Variants in MON2 observed in about 807,000 individuals in gnomAD.
MON2 encodes protein MON2 homolog.
In MON2, 84 loss-of-function variants were observed where a neutral mutation model predicts 208.6. The observed-to-expected ratio is 0.40, with a 90% CI of 0.34 to 0.48. The LOEUF is 0.48. Ranked by LOEUF, MON2 falls within the 20% of genes least tolerant of loss-of-function variation. The probability of loss-of-function intolerance (pLI) is 0.59; values close to 1 mark genes in which losing one functional copy is unlikely to be tolerated. For synonymous variants in MON2, 660 were observed against 694.0 expected (o/e 0.95, Z 0.77); for missense variants, 1,611 against 2,015.4 (o/e 0.80, Z 3.84).
intron 32 of MON2, 49 bp from the exon 33 acceptor site, chr12:62,585,245 G>A (rs761863998): frequency 1.4e-6 from 2 of 1,412,156 alleles, no homozygotes; most frequent in East Asian, 2.3e-5. Flanking sequence ...TATCATTAAA[G>A]CTCATTGATT....
At position 62,556,301 on chromosome 12, in the gene MON2, G is replaced by A. The variant is rs1261671984; in HGVS notation, c.3409+109G>A. 7 of 1,039,558 alleles carry A rather than the reference G, an allele frequency of 6.7e-6. No homozygotes were observed. The Admixed American group carries it at 1.1e-4, about 17-fold the overall frequency. The allele number at this position is 1,039,558 out of a possible 1,614,324, so 64.4% of individuals were successfully genotyped here. Reference sequence around the variant, plus strand: ...TCTTAACTTAGTCTTTATGTGTGGTGTGTGTGTAAGCATCTGTGTTTTCAT... The same window carrying A: ...TCTTAACTTAGTCTTTATGTGTGGTATGTGTGTAAGCATCTGTGTTTTCAT... On this transcript the variant is annotated intron_variant, in intron 25 of 34. Transcript: ENST00000393630.
At chr12:62,590,060 T>C (rs1372119808) in intron 34 of MON2, among the ~76,000 whole-genome samples, 1 of 152,150 alleles carries the variant, frequency 6.6e-6, no homozygotes, top group African/African-American at 2.4e-5. Context: ...AAGATGCATT[T>C]GTTAGACTTA....
intron 7 of MON2, among the ~76,000 whole-genome samples, chr12:62,504,584 T>C (rs1165088811): frequency 1.3e-5 from 2 of 152,188 alleles, no homozygotes; most frequent in African/African-American, 4.8e-5. Flanking sequence ...AAATTTACTT[T>C]ATTCTTCCTG....
chr12:62,585,262 C>A, intron 32 of MON2, 32 bp from the exon 33 acceptor site: 1 of 1,513,104 alleles, frequency 6.6e-7, no homozygotes, highest in South Asian at 1.1e-5. Flanking sequence ...GATTTAACTT[C>A]TATTAACCAT....
intron 24 of MON2, among the ~76,000 whole-genome samples, chr12:62,555,518 G>A (rs1185170852): frequency 1.3e-5 from 2 of 152,048 alleles, no homozygotes; most frequent in Non-Finnish European, 2.9e-5. Flanking sequence ...ACTTAAGAAT[G>A]TATAATTATG....
chr12:62,503,293 T>A (rs532316179), intron 7 of MON2, among the ~76,000 whole-genome samples: 1 of 152,294 alleles, frequency 6.6e-6, no homozygotes, highest in Non-Finnish European at 1.5e-5. Flanking sequence ...TGATCCAAAT[T>A]AGTTTCTCTC....
chr12:62,476,544 C>T (rs2069095145), intron 1 of MON2, among the ~76,000 whole-genome samples: 1 of 151,936 alleles, frequency 6.6e-6, no homozygotes, highest in Non-Finnish European at 1.5e-5. Context: ...AAGCGATTCT[C>T]TTGCCTCAGC....
In MON2 at chr12:62,596,399, G is replaced by C. The variant is rs1286016350; in HGVS notation, c.*3650G>C. 6.6e-6 allele frequency: 1 copy of C among 152,234 alleles called. No individual in the cohort carries two copies. The highest frequency in any genetic ancestry group is 2.4e-5 in the African/African-American group (1 of 41,456). 9.4% of individuals were successfully genotyped at this position (152,234 alleles called of 1,614,324 possible). ...ACTGTGCCACCCTTGGAATGGGTTA[G>C]TGTACAGGCTCAGAATATTGTGGAT... On this transcript the variant is annotated 3_prime_UTR_variant, in exon 35 of 35. Transcript: ENST00000393630.
At chr12:62,506,214 T>G (rs1242130700) in intron 7 of MON2, among the ~76,000 whole-genome samples, 1 of 152,234 alleles carries the variant, frequency 6.6e-6, no homozygotes, top group Non-Finnish European at 1.5e-5. Flanking sequence ...TCAGATAAAC[T>G]AACTGTAGAT....
At position 62,499,054 on chromosome 12, in the gene MON2, G is replaced by C. The variant is rs374519214; in HGVS notation, c.565+6G>C. 6.2e-7 allele frequency: 1 copy of C among 1,608,138 alleles called. No homozygotes were observed. The highest frequency in any genetic ancestry group is 1.3e-5 in the African/African-American group (1 of 74,624). On this transcript the variant is annotated splice_donor_region_variant and intron_variant, in intron 5 of 34. Transcript: ENST00000393630. ...TGAAGATGAACGACACAGAGGTAAA[G>C]TGCTAGAAGTTGTTTTACTTTGTGG... is the stretch of plus-strand genomic sequence containing the variant.
intron 1 of MON2, among the ~76,000 whole-genome samples, chr12:62,469,025 G>A (rs762871247): frequency 9.9e-5 from 15 of 151,800 alleles, no homozygotes; most frequent in Admixed American, 3.3e-4. Context: ...CTGCAACCTC[G>A]AACTCCCTGG....
chr12:62,495,689 C>CAA (rs56155110), intron 4 of MON2, among the ~76,000 whole-genome samples: 21 of 108,524 alleles, frequency 1.9e-4, no homozygotes, highest in South Asian at 3.2e-4. Context: ...GACTCCGTCT[C>CAA]AAAAAAAAAA....
chr12:62,543,056 T>G, intron 19 of MON2, 41 bp from the exon 20 acceptor site: 1 of 1,107,714 alleles, frequency 9.0e-7, no homozygotes, highest in Non-Finnish European at 1.3e-6. Flanking sequence ...TTACTCAGAA[T>G]TCTCCTTATA....
intron 32 of MON2, among the ~76,000 whole-genome samples, chr12:62,581,099 C>T (rs2074988537): frequency 6.6e-6 from 1 of 152,192 alleles, no homozygotes; most frequent in African/African-American, 2.4e-5. Flanking sequence ...AAAAATTGCT[C>T]ACAATCTTAG....
At chr12:62,539,841 A>AC (rs950591724) in intron 19 of MON2, among the ~76,000 whole-genome samples, 1 of 151,510 alleles carries the variant, frequency 6.6e-6, no homozygotes, top group African/African-American at 2.4e-5. Context: ...ACATGGTGAA[A>AC]CCCCGTCTCT....
At chr12:62,524,337 A>G (rs1377161987) in intron 8 of MON2, among the ~76,000 whole-genome samples, 178 bp from the exon 9 acceptor site, 1 of 152,126 alleles carries the variant, frequency 6.6e-6, no homozygotes, top group Non-Finnish European at 1.5e-5. Context: ...TTTACTGTTA[A>G]TGTTTCCATG....
chr12:62,512,074 T>C (rs2071436059), intron 8 of MON2, among the ~76,000 whole-genome samples: 1 of 152,106 alleles, frequency 6.6e-6, no homozygotes, highest in African/African-American at 2.4e-5. Flanking sequence ...CATGATTCAT[T>C]ACCTCCCACC....
chr12:62,497,043 A>G (rs2070536772), intron 4 of MON2, among the ~76,000 whole-genome samples: 1 of 143,680 alleles, frequency 7.0e-6, no homozygotes, highest in Non-Finnish European at 1.5e-5. Context: ...CATTCTCAGT[A>G]AACTATCGCA....
intron 31 of MON2, among the ~76,000 whole-genome samples, chr12:62,579,072 C>CA (rs879352660): frequency 0.025 from 3,447 of 137,752 alleles, 122 homozygotes; most frequent in African/African-American, 0.084. Context: ...ACCATCTCTA[C>CA]AAAAAAAAAA....
Sources: allele counts gnomAD v4.1 joint callset (sites outside exome capture counted in the v4.1 genomes callset), GRCh38; gene constraint gnomAD v4.1.1; transcripts MANE v1.5; gene names NCBI Gene and HGNC (gene_info 2026-07-23, HGNC 2026-07-21).